ACOT8: variants seen among roughly 807,000 people sequenced by gnomAD.
ACOT8 encodes the protein acyl-coenzyme A thioesterase 8.
In ACOT8, 31 loss-of-function variants were observed where a neutral mutation model predicts 38.4. The observed-to-expected ratio is 0.81, with a 90% CI of 0.61 to 1.09. The LOEUF (loss-of-function observed/expected upper bound fraction) is 1.09, where lower values mean the gene tolerates loss of function less well. ACOT8 is among the 50% of genes least tolerant of loss of function. The probability of loss-of-function intolerance (pLI) is 0.00; values close to 1 mark genes in which losing one functional copy is unlikely to be tolerated. For missense variants in ACOT8, 373 were observed against 421.8 expected (o/e 0.88, Z 1.01); for synonymous variants, 158 against 170.3 (o/e 0.93, Z 0.56).
At chr20:45,846,462 G>A (rs1265477852) in intron 3 of ACOT8, among the ~76,000 whole-genome samples, 1 of 152,136 alleles carries the variant, frequency 6.6e-6, no homozygotes, top group Non-Finnish European at 1.5e-5. Context: ...AAAGCAACTT[G>A]CCCAAACTCA....
Position 45,857,216 on chromosome 20 carries a change from G to A in ACOT8, c.100C>T (p.Leu34Phe), listed in dbSNP as rs1178860780. The A allele has an allele frequency of 2.5e-6, 4 of 1,613,604 alleles. No individual in the cohort carries two copies. The highest frequency in any genetic ancestry group is 1.1e-5 in the South Asian group (1 of 91,064). Residue 34 changes from leucine to phenylalanine, a missense_variant, in exon 1 of 6, where the codon CTC (leucine) becomes TTC (phenylalanine). Physicochemically the swap from Leu to Phe is conservative, Grantham distance 22. Coordinates refer to ENST00000217455, the MANE Select transcript of ACOT8 (RefSeq NM_005469.4). ...AAGAGATCCTCGTCCAGCGGCTCGA[G>A]GTTGAGCACGGTCGTGACCAAGACG... ...RSVLVTTVLNLEPLDEDLFRG... is the reference protein window; with the variant it reads ...RSVLVTTVLNFEPLDEDLFRG...
intron 2 of ACOT8, among the ~76,000 whole-genome samples, chr20:45,854,732 T>C (rs975459358): frequency 7.9e-5 from 12 of 152,142 alleles, no homozygotes; most frequent in African/African-American, 2.7e-4. Flanking sequence ...CTATGCTCAG[T>C]TGACAAAAGA....
At chr20:45,852,483 AC>A (rs1178071728) in intron 2 of ACOT8, among the ~76,000 whole-genome samples, 7 of 151,986 alleles carry the variant, frequency 4.6e-5, no homozygotes, top group African/African-American at 1.7e-4. Context: ...CAGCCAAAAA[AC>A]AGCATTGGTT....
At chr20:45,842,007 C>T (rs746518033) in intron 5 of ACOT8, 51 bp from the exon 6 acceptor site, 3 of 1,593,016 alleles carry the variant, frequency 1.9e-6, no homozygotes, top group South Asian at 1.1e-5. Flanking sequence ...CAGCCAAATA[C>T]ACTTTTTTTT....
At chr20:45,853,014 C>T (rs1427950153) in intron 2 of ACOT8, among the ~76,000 whole-genome samples, 2 of 152,210 alleles carry the variant, frequency 1.3e-5, no homozygotes, top group Admixed American at 1.3e-4. Context: ...GGTGATCCGC[C>T]CGCCTCGGCT....
At chr20:45,852,667 T>C (rs867166956) in intron 2 of ACOT8, among the ~76,000 whole-genome samples, 1 of 152,248 alleles carries the variant, frequency 6.6e-6, no homozygotes. Context: ...ACTGGCCTAA[T>C]GTCCTTTGAC....
chr20:45,847,568 T>TA (rs1984762875), intron 3 of ACOT8: 2 of 150,070 alleles, frequency 1.3e-5, no homozygotes, highest in Non-Finnish European at 3.0e-5. Context: ...CCATCTCTAC[T>TA]AAAAATACAA....
chr20:45,855,344 A>G (rs1438412603), intron 1 of ACOT8, 52 bp from the exon 2 acceptor site: 1 of 1,599,220 alleles, frequency 6.3e-7, no homozygotes, highest in Non-Finnish European at 8.5e-7. Context: ...GCCAAATTCT[A>G]CTACCCTCAC....
At chr20:45,845,261 G>A (rs1984602816) in intron 3 of ACOT8, among the ~76,000 whole-genome samples, 1 of 151,960 alleles carries the variant, frequency 6.6e-6, no homozygotes, top group Non-Finnish European at 1.5e-5. Context: ...GCTAATTTTT[G>A]TATGTTTAGT....
At position 45,848,441 on chromosome 20, in the gene ACOT8, G is replaced by T; in HGVS notation, c.488+9C>A. On this transcript the variant is annotated intron_variant, in intron 3 of 5. Coordinates refer to ENST00000217455, the MANE Select transcript of ACOT8 (RefSeq NM_005469.4). The stretch of plus-strand genomic sequence containing the variant: ...GAAAAGTCTGCCATGGAGCCTCCAG[G>T]TCTCTCACCTTAAATACTGGTCAAT... 1 of 1,566,810 alleles carries T rather than the reference G, an allele frequency of 6.4e-7. No individual in the cohort carries two copies. Among genetic ancestry groups the T allele is most frequent in the Non-Finnish European group, 8.7e-7 (1 of 1,151,678 alleles).
intron 1 of ACOT8, among the ~76,000 whole-genome samples, 189 bp from the exon 2 acceptor site, chr20:45,855,481 A>C (rs991109813): frequency 1.3e-5 from 2 of 152,220 alleles, no homozygotes; most frequent in African/African-American, 2.4e-5. Flanking sequence ...GGCCGGGCGC[A>C]GTGGCTTACA....
chr20:45,848,609 C>T lies in ACOT8; in HGVS notation c.329G>A (p.Arg110His), dbSNP rs754407700. ...RTRTGSSFSVRSVKAVQHGKP... is the reference protein window; with the variant it reads ...RTRTGSSFSVHSVKAVQHGKP... ...CCCATGTTGCACGGCCTTCACAGAGCGCACCGAGAAGCTCGACCCTGTTCG... is the reference window on the plus strand; with the variant it reads ...CCCATGTTGCACGGCCTTCACAGAGTGCACCGAGAAGCTCGACCCTGTTCG... Residue 110 changes from arginine to histidine, a missense_variant, in exon 3 of 6, where the codon CGC becomes CAC. Physicochemically the swap from Arg to His is conservative, Grantham distance 29 (BLOSUM62 0). Coordinates refer to ENST00000217455, the MANE Select transcript of ACOT8 (RefSeq NM_005469.4). 2.8e-5 allele frequency: 45 copies of T among 1,613,654 alleles called. No individual in the cohort carries two copies. The highest frequency in any genetic ancestry group is 3.4e-6 in the Non-Finnish European group (4 of 1,179,962).
chr20:45,841,787 T>C lies in ACOT8; in HGVS notation c.*51A>G. Reference sequence around the variant, plus strand: ...GGGACTGTAACTCCTGTCTCAGGAATGGGGATAGATGGGAGGTTCTTGAAG... The same window carrying C: ...GGGACTGTAACTCCTGTCTCAGGAACGGGGATAGATGGGAGGTTCTTGAAG... On this transcript the variant is annotated 3_prime_UTR_variant, in exon 6 of 6. Transcript: ENST00000217455. The C allele has an allele frequency of 2.6e-6, 4 of 1,529,266 alleles. No individual in the cohort carries two copies. The highest frequency in any genetic ancestry group is 3.5e-6 in the Non-Finnish European group (4 of 1,145,522). The allele number at this position is 1,529,266 out of a possible 1,614,324, so 94.7% of individuals were successfully genotyped here.
At chr20:45,855,350 C>T (rs1177283646) in intron 1 of ACOT8, 58 bp from the exon 2 acceptor site, 8 of 1,588,408 alleles carry the variant, frequency 5.0e-6, no homozygotes, top group Non-Finnish European at 6.0e-6. Flanking sequence ...TTCTACTACC[C>T]TCACTAAGAC....
intron 2 of ACOT8, among the ~76,000 whole-genome samples, chr20:45,850,503 C>T (rs1258489424): frequency 6.6e-6 from 1 of 152,100 alleles, no homozygotes; most frequent in Non-Finnish European, 1.5e-5. Context: ...TGCTATTGTG[C>T]GTCAGAGTTC....
chr20:45,846,575 G>A (rs781505335), intron 3 of ACOT8, among the ~76,000 whole-genome samples: 4 of 152,104 alleles, frequency 2.6e-5, no homozygotes, highest in African/African-American at 7.2e-5. Flanking sequence ...TATCTAACAC[G>A]AGATAGAGAC....
chr20:45,845,334 G>A (rs927010571), intron 3 of ACOT8, among the ~76,000 whole-genome samples: 8 of 152,012 alleles, frequency 5.3e-5, no homozygotes, highest in Non-Finnish European at 7.4e-5. Context: ...TGATCCGCCC[G>A]CCTCAGCCTC....
rs1245098305 is a variant in ACOT8, at chr20:45,841,783, G to C, written c.*55C>G. Reference sequence around the variant, plus strand: ...AAAAGGGACTGTAACTCCTGTCTCAGGAATGGGGATAGATGGGAGGTTCTT... The same window carrying C: ...AAAAGGGACTGTAACTCCTGTCTCACGAATGGGGATAGATGGGAGGTTCTT... On this transcript the variant is annotated 3_prime_UTR_variant, in exon 6 of 6. Coordinates refer to ENST00000217455, the MANE Select transcript of ACOT8 (RefSeq NM_005469.4). The C allele has an allele frequency of 6.6e-7, 1 of 1,523,496 alleles. No homozygotes were observed. The highest frequency in any genetic ancestry group is 8.7e-7 in the Non-Finnish European group (1 of 1,143,000). The allele number at this position is 1,523,496 out of a possible 1,614,324, so 94.4% of individuals were successfully genotyped here.
At position 45,857,340 on chromosome 20, in the gene ACOT8, A is replaced by C; in HGVS notation, c.-25T>G. ...TCTAGTTCAATGCTGCAGGCCCTGCACACCCGCTCCGCGGAAGACGCGGAG... is the reference window on the plus strand; with the variant it reads ...TCTAGTTCAATGCTGCAGGCCCTGCCCACCCGCTCCGCGGAAGACGCGGAG... On this transcript the variant is annotated 5_prime_UTR_variant, in exon 1 of 6. Coordinates refer to ENST00000217455, the MANE Select transcript of ACOT8 (RefSeq NM_005469.4). 6.3e-7 allele frequency: 1 copy of C among 1,579,492 alleles called. No homozygotes were observed. Among genetic ancestry groups the C allele is most frequent in the East Asian group, 2.3e-5 (1 of 42,854 alleles).
Sources: gnomAD v4.1 joint callset for allele counts (sites outside exome capture counted in the v4.1 genomes callset) on GRCh38, gnomAD v4.1.1 for gene constraint, MANE v1.5 for transcripts, NCBI Gene and HGNC (gene_info 2026-07-23, HGNC 2026-07-21) for gene names.